ACSL4: variants seen among roughly 807,000 people sequenced by gnomAD.
ACSL4 encodes long-chain-fatty-acid--CoA ligase 4.
A neutral mutation model predicts 49.1 loss-of-function variants in ACSL4; 9 were observed. The ratio of observed to expected loss-of-function variants is 0.18; its 90% CI spans 0.11 to 0.32. The LOEUF is 0.32. Among genes scored for constraint, ACSL4 ranks in the 10% least tolerant of loss-of-function variants. The probability of loss-of-function intolerance (pLI) is 1.00; values close to 1 mark genes in which losing one functional copy is unlikely to be tolerated. For synonymous variants in ACSL4, 191 were observed against 170.3 expected (o/e 1.12, Z -0.95); for missense variants, 333 against 493.7 (o/e 0.67, Z 3.08).
chrX:109,714,288 A>G (rs1926960094), intron 1 of ACSL4, among the ~76,000 whole-genome samples: 1 of 112,638 alleles, frequency 8.9e-6, no homozygotes, highest in African/African-American at 3.2e-5. Context: ...AAGAAAAAAT[A>G]TTTTTGTACA....
chrX:109,667,996 T>C (rs1459451802), intron 11 of ACSL4, 105 bp downstream of exon 11: 4 of 553,881 alleles, frequency 7.2e-6, no homozygotes, highest in East Asian at 3.4e-5. Flanking sequence ...GAATCTGATA[T>C]TAGTTAAGAG....
At chrX:109,708,504 C>T (rs953192365) in intron 1 of ACSL4, among the ~76,000 whole-genome samples, 3 of 111,913 alleles carry the variant, frequency 2.7e-5, no homozygotes, top group African/African-American at 3.2e-5. Flanking sequence ...GTTAGATCTT[C>T]GGTTTTTAAA....
At chrX:109,707,103 T>C (rs1041953886) in intron 1 of ACSL4, among the ~76,000 whole-genome samples, 8 of 112,053 alleles carry the variant, frequency 7.1e-5, no homozygotes, top group Non-Finnish European at 1.5e-4. Flanking sequence ...AAAGGAAAAA[T>C]ATATTTTTAG....
At chrX:109,654,766 C>G (rs1459081178) in intron 15 of ACSL4, among the ~76,000 whole-genome samples, 1 of 112,269 alleles carries the variant, frequency 8.9e-6, no homozygotes, top group East Asian at 2.8e-4. Flanking sequence ...CTGGAAAGAG[C>G]AGCACTGGTC....
intron 9 of ACSL4, among the ~76,000 whole-genome samples, chrX:109,670,584 C>CA (rs147696733): frequency 0.016 from 1,295 of 80,987 alleles, 27 homozygotes; most frequent in Admixed American, 0.065. Flanking sequence ...GACTCCGTCT[C>CA]AAAAAAAAAA....
At chrX:109,659,541 A>C (rs1351895262) in intron 14 of ACSL4, 30 bp from the exon 15 acceptor site, 1 of 1,069,169 alleles carries the variant, frequency 9.4e-7, no homozygotes, top group Non-Finnish European at 1.3e-6. Flanking sequence ...AATAGAAATG[A>C]AAACATTGAG....
rs966241966 is a variant in ACSL4 at position 109,669,076 on chromosome X, A to G, written c.1100T>C (p.Leu367Ser). Residue 367 changes from leucine to serine, a missense_variant, in exon 10 of 16, where the codon TTG becomes TCG. Around this residue, in one of 3 missense-constraint regions of ACSL4, gnomAD observed 175 missense variants for 275.8 expected, o/e 0.63. Coordinates refer to ENST00000672401, the MANE Select transcript of ACSL4 (RefSeq NM_001318510.2). The part of the protein sequence containing the change: ...TLFKIGYDYK[L>S]EQIKKGYDAP... ...ATCATATCCCTTTTTGATCTGTTCCAATTTGTAATCATACCCTATCTTGAA... is the reference window on the plus strand; with the variant it reads ...ATCATATCCCTTTTTGATCTGTTCCGATTTGTAATCATACCCTATCTTGAA... The G allele has an allele frequency of 8.3e-7, 1 of 1,198,466 alleles. No individual in the cohort carries two copies. Among genetic ancestry groups the G allele is most frequent in the African/African-American group, 1.7e-5 (1 of 57,505 alleles).
chrX:109,680,883 T>A, intron 6 of ACSL4, 115 bp downstream of exon 6: 1 of 815,632 alleles, frequency 1.2e-6, no homozygotes, highest in Non-Finnish European at 1.8e-6. Context: ...TTTTTGAACT[T>A]TTTTTTTTCA....
At chrX:109,713,602 G>A (rs1213552438) in intron 1 of ACSL4, among the ~76,000 whole-genome samples, 1 of 110,767 alleles carries the variant, frequency 9.0e-6, no homozygotes, top group Non-Finnish European at 1.9e-5. Flanking sequence ...ATTTCAAGTC[G>A]TTCAACATAA....
At chrX:109,732,962 G>C (rs1024657370) in intron 1 of ACSL4, 177 bp downstream of exon 1, 2 of 322,091 alleles carry the variant, frequency 6.2e-6, no homozygotes, top group African/African-American at 5.4e-5. Flanking sequence ...CAGCGGAGGC[G>C]AGCGGATAGA....
In ACSL4 at chrX:109,674,394, G is replaced by T. The variant is rs1233603280; in HGVS notation, c.1002+8C>A. On this transcript the variant is annotated splice_region_variant and intron_variant, in intron 9 of 15. Transcript: ENST00000672401. The stretch of plus-strand genomic sequence containing the variant: ...CCTCTTATGTTCATATTCATATTCT[G>T]TACTCACCGGAACAGCAGCCATAAG... The T allele has an allele frequency of 3.4e-6, 4 of 1,182,520 alleles. No homozygotes were observed. In the Admixed American group the frequency reaches 8.7e-5, roughly 26 times the overall value.
At chrX:109,678,446 A>G (rs182446568) in intron 6 of ACSL4, 31 bp from the exon 7 acceptor site, 861 of 1,200,482 alleles carry the variant, frequency 7.2e-4, no homozygotes, top group Non-Finnish European at 9.1e-4. Flanking sequence ...TATCACATTT[A>G]CTTCAGTTCA....
intron 1 of ACSL4, among the ~76,000 whole-genome samples, chrX:109,710,356 T>C (rs1926665391): frequency 1.8e-5 from 2 of 112,244 alleles, no homozygotes. Flanking sequence ...TCCACAGTCA[T>C]ATACGACGGG....
At position 109,680,017 on chromosome X, in the gene ACSL4, G is replaced by C. The variant is rs149093140; in HGVS notation, c.655+981C>G. ...ATCTTTACAAGGATATTTGCACAGA[G>C]ATAGTGTCTCTCCCCAGAGCAAACA... is the stretch of plus-strand genomic sequence containing the variant. On this transcript the variant is annotated intron_variant, in intron 6 of 15. Coordinates refer to ENST00000672401, the MANE Select transcript of ACSL4 (RefSeq NM_001318510.2). 7.0e-3 allele frequency among the ~76,000 whole-genome samples: 782 copies of C among 112,127 alleles called. 8 individuals carry two copies. Among genetic ancestry groups the C allele is most frequent in the African/African-American group, 0.024 (736 of 30,893 alleles).
At chrX:109,667,814 C>T (rs1156554795) in intron 11 of ACSL4, among the ~76,000 whole-genome samples, 1 of 110,470 alleles carries the variant, frequency 9.1e-6, no homozygotes, top group Non-Finnish European at 1.9e-5. Context: ...ATTGTTTGAA[C>T]CCAGGAGGTG....
intron 8 of ACSL4, 136 bp downstream of exon 8, chrX:109,677,852 T>A: frequency 1.2e-6 from 1 of 805,317 alleles, no homozygotes; most frequent in Non-Finnish European, 1.9e-6. Context: ...TATAGCTACA[T>A]ATTGTTCATG....
chrX:109,702,334 T>A (rs1177296505), intron 1 of ACSL4, among the ~76,000 whole-genome samples: 1 of 112,454 alleles, frequency 8.9e-6, no homozygotes, highest in Non-Finnish European at 1.9e-5. Context: ...CATGACCATA[T>A]CACAATTAAG....
intron 15 of ACSL4, among the ~76,000 whole-genome samples, chrX:109,649,983 T>C (rs1221404249): frequency 9.2e-6 from 1 of 109,225 alleles, no homozygotes; most frequent in African/African-American, 3.3e-5. Flanking sequence ...TGAGATACCA[T>C]CTCACACCAG....
chrX:109,676,578 C>T (rs1311106726), intron 8 of ACSL4, among the ~76,000 whole-genome samples: 1 of 111,279 alleles, frequency 9.0e-6, no homozygotes, highest in African/African-American at 3.3e-5. Flanking sequence ...TCCAGAACCC[C>T]ACAGCTTCTT....
Sources: gnomAD v4.1 joint callset for allele counts (sites outside exome capture counted in the v4.1 genomes callset) on GRCh38, gnomAD v4.1.1 for gene constraint, gnomAD v4.1.1 regional missense constraint, MANE v1.5 for transcripts, NCBI Gene and HGNC (gene_info 2026-07-23, HGNC 2026-07-21) for gene names.